CSTPP1: variants seen among roughly 807,000 people sequenced by gnomAD.
CSTPP1 encodes UPF0705 protein C11orf49.
At chr11:46,950,902 C>T in the CSTPP1 span, among the ~76,000 whole-genome samples, 2 of 152,246 alleles carry the variant, frequency 1.3e-5, no homozygotes, top group African/African-American at 4.8e-5. Flanking sequence ...GCTGGGATTA[C>T]AGCCATGAGC....
chr11:47,009,748 C>T, the CSTPP1 span, among the ~76,000 whole-genome samples: 4 of 151,746 alleles, frequency 2.6e-5, no homozygotes, highest in Non-Finnish European at 5.9e-5. Flanking sequence ...AGGGAGGTTG[C>T]AGTGACCCAA....
At chr11:47,137,714 C>T in the CSTPP1 span, 14 of 1,614,024 alleles carry the variant, frequency 8.7e-6, no homozygotes, top group Admixed American at 3.3e-5. Flanking sequence ...CTGGAGCTCA[C>T]TCAGAAAGCA....
the CSTPP1 span, among the ~76,000 whole-genome samples, chr11:47,036,668 T>C: frequency 2.5e-5 from 3 of 122,048 alleles, 1 homozygote; most frequent in Non-Finnish European, 3.9e-5. Flanking sequence ...ATAGATTTGT[T>C]TTGTTTTGTT....
the CSTPP1 span, among the ~76,000 whole-genome samples, chr11:47,113,693 GGTT>G: frequency 6.6e-6 from 1 of 150,656 alleles, no homozygotes. Flanking sequence ...TTTTTGATGG[GGTT>G]GTTTTTTTTC....
At chr11:47,140,645 C>T in the CSTPP1 span, among the ~76,000 whole-genome samples, 1 of 146,994 alleles carries the variant, frequency 6.8e-6, no homozygotes, top group African/African-American at 2.5e-5. Context: ...CACCATGTTG[C>T]CCAGGCTGGT....
At chr11:46,950,614 C>T in the CSTPP1 span, among the ~76,000 whole-genome samples, 24,071 of 151,354 alleles carry the variant, frequency 0.16, 6,422 homozygotes, top group African/African-American at 0.55. Context: ...TTTCTTTTTT[C>T]CTTTTTTCTT....
the CSTPP1 span, among the ~76,000 whole-genome samples, chr11:47,115,647 C>G: frequency 6.6e-6 from 1 of 151,924 alleles, no homozygotes; most frequent in Admixed American, 6.6e-5. Context: ...TCTGTGGGAT[C>G]GGTGATGATA....
chr11:47,065,306 C>T, the CSTPP1 span, among the ~76,000 whole-genome samples: 1 of 150,766 alleles, frequency 6.6e-6, no homozygotes, highest in East Asian at 2.0e-4. Flanking sequence ...TCTTCAGTTT[C>T]TTTCAGCAAT....
At chr11:47,066,053 G>T in the CSTPP1 span, among the ~76,000 whole-genome samples, 1 of 143,380 alleles carries the variant, frequency 7.0e-6, no homozygotes, top group Non-Finnish European at 1.5e-5. Flanking sequence ...GTGAACAGAG[G>T]TTATTTTATT....
chr11:47,017,265 C>T, the CSTPP1 span, among the ~76,000 whole-genome samples: 1 of 150,878 alleles, frequency 6.6e-6, no homozygotes, highest in African/African-American at 2.4e-5. Flanking sequence ...ACCTCCACTT[C>T]CCAGGTTCAA....
chr11:47,016,898 A>G, the CSTPP1 span, among the ~76,000 whole-genome samples: 1 of 130,504 alleles, frequency 7.7e-6, no homozygotes, highest in African/African-American at 3.0e-5. Flanking sequence ...GCTGGAGTGC[A>G]GTGGCCCAAT....
chr11:47,042,899 T>G, the CSTPP1 span, among the ~76,000 whole-genome samples: 1 of 152,250 alleles, frequency 6.6e-6, no homozygotes, highest in Non-Finnish European at 1.5e-5. Flanking sequence ...TTTCTGGTCA[T>G]GATGGCTTGC....
the CSTPP1 span, among the ~76,000 whole-genome samples, chr11:47,009,048 T>G: frequency 1.3e-5 from 2 of 151,528 alleles, no homozygotes; most frequent in Non-Finnish European, 2.9e-5. Flanking sequence ...AAAAAAAAAT[T>G]TCCCTATCCA....
chr11:47,102,944 A>G, the CSTPP1 span, among the ~76,000 whole-genome samples: 1 of 151,492 alleles, frequency 6.6e-6, no homozygotes, highest in African/African-American at 2.4e-5. Flanking sequence ...TTAGCCTTAC[A>G]GAAAGGCACA....
At chr11:47,097,908 G>A in the CSTPP1 span, among the ~76,000 whole-genome samples, 5 of 42,070 alleles carry the variant, frequency 1.2e-4, no homozygotes, top group East Asian at 9.7e-4. Context: ...GATGGTTGCC[G>A]TGTCTGTGTA....
At chr11:47,079,087 G>C in the CSTPP1 span, among the ~76,000 whole-genome samples, 1 of 152,164 alleles carries the variant, frequency 6.6e-6, no homozygotes, top group African/African-American at 2.4e-5. Flanking sequence ...CAGTGCTCAA[G>C]AATACCAGAG....
chr11:47,070,189 A>G, the CSTPP1 span, among the ~76,000 whole-genome samples: 1 of 152,054 alleles, frequency 6.6e-6, no homozygotes, highest in Admixed American at 6.6e-5. Context: ...TGTGCCTGTA[A>G]ATACCCACTG....
chr11:47,033,346 A>C, the CSTPP1 span, among the ~76,000 whole-genome samples: 2 of 152,206 alleles, frequency 1.3e-5, no homozygotes, highest in African/African-American at 4.8e-5. Flanking sequence ...AAGAAGTCAA[A>C]AGCAGTCTTG....
At chr11:47,020,026 T>C in the CSTPP1 span, among the ~76,000 whole-genome samples, 7 of 152,234 alleles carry the variant, frequency 4.6e-5, no homozygotes, top group Admixed American at 6.5e-5. Context: ...TAGCCAATCA[T>C]ATAAGCAAAG....
Sources: allele counts gnomAD v4.1 joint callset (sites outside exome capture counted in the v4.1 genomes callset), GRCh38; gene constraint gnomAD v4.1.1; transcripts MANE v1.5; gene names NCBI Gene and HGNC (gene_info 2026-07-23, HGNC 2026-07-21).